Variants in DIS3L observed in about 807,000 individuals in gnomAD.
DIS3L encodes DIS3-like exonuclease 1.
In DIS3L, 100 loss-of-function variants were observed where a neutral mutation model predicts 120.3. That is an observed-to-expected ratio of 0.83 (90% confidence interval 0.71 to 0.98). The LOEUF (loss-of-function observed/expected upper bound fraction) is 0.98, where lower values mean the gene tolerates loss of function less well. Among genes scored for constraint, DIS3L ranks in the 50% least tolerant of loss-of-function variants. The pLI is 0.00. For missense variants in DIS3L, 1,196 were observed against 1,314.2 expected, an observed-to-expected ratio of 0.91 and a Z score of 1.39; for synonymous variants, 426 against 470.6, an observed-to-expected ratio of 0.91 and a Z score of 1.23.
chr15:66,321,395 G>A (rs1025626400), intron 9 of DIS3L, among the ~76,000 whole-genome samples: 2 of 151,994 alleles, frequency 1.3e-5, no homozygotes, highest in African/African-American at 4.8e-5. Flanking sequence ...GTAAATTACG[G>A]TATATTGACG....
intron 12 of DIS3L, among the ~76,000 whole-genome samples, chr15:66,326,900 C>T (rs560496787): frequency 6.7e-6 from 1 of 150,194 alleles, no homozygotes; most frequent in South Asian, 2.1e-4. Flanking sequence ...TAATTTTGAC[C>T]CACTACAATT....
intron 2 of DIS3L, 182 bp from the exon 3 acceptor site, chr15:66,306,642 C>A: frequency 1.3e-6 from 1 of 764,540 alleles, no homozygotes; most frequent in Admixed American, 3.1e-5. Context: ...CAGGCAAAAT[C>A]GAGAAACAAT....
chr15:66,316,958 C>T (rs373136426), intron 7 of DIS3L, among the ~76,000 whole-genome samples: 2 of 152,208 alleles, frequency 1.3e-5, no homozygotes, highest in South Asian at 2.1e-4. Context: ...GCTGAGGCCA[C>T]CTTCTGCCAT....
At chr15:66,311,995 C>T (rs2092767631) in intron 5 of DIS3L, 95 bp downstream of exon 5, 2 of 1,440,492 alleles carry the variant, frequency 1.4e-6, no homozygotes, top group African/African-American at 1.4e-5. Flanking sequence ...TTGCTTTAGC[C>T]CAGGAGCTGG....
In DIS3L at chr15:66,333,222, T is replaced by C; in HGVS notation, c.3075T>C (p.Tyr1025=). 1 of 1,613,966 alleles carries C rather than the reference T, an allele frequency of 6.2e-7. No individual in the cohort carries two copies. Residue 1025 remains tyrosine, a synonymous_variant, in exon 17 of 17, where the codon TAT becomes TAC. Transcript: ENST00000319212. ...TCATTCAGGAGGAATATCAAGAATA[T>C]CGCCAAACAAAGGGAAGGAGCCTAT... The part of the protein sequence containing the change: ...VNIIQEEYQE[Y]RQTKGRSLYT...
Position 66,328,910 on chromosome 15 carries a change from A to C in DIS3L, c.2202-60A>C. The C allele has an allele frequency of 5.8e-6, 9 of 1,554,748 alleles. 1 individual carries two copies. The South Asian group carries it at 1.1e-4, about 19-fold the overall frequency. ...ACGGATGAGTGAAGGGTTCCCCTCAAAGTGTTGTCTTGTAAATTACTGTCT... is the reference window on the plus strand; with the variant it reads ...ACGGATGAGTGAAGGGTTCCCCTCACAGTGTTGTCTTGTAAATTACTGTCT... On this transcript the variant is annotated intron_variant, in intron 12 of 16. Transcript: ENST00000319212.
At chr15:66,309,094 A>AAAAAAAAAAAAAAAAAAAATATATATAT in intron 4 of DIS3L, among the ~76,000 whole-genome samples, 1 of 15,320 alleles carries the variant, frequency 6.5e-5, no homozygotes, top group African/African-American at 2.0e-4. Context: ...AAAAAAAAAA[A>AAAAAAAAAAAAAAAAAAAATATATATAT]ATATATATAT....
rs2092900414 is a variant in DIS3L at position 66,322,874 on chromosome 15, T to C, written c.1514T>C (p.Ile505Thr). 1 of 1,614,206 alleles carries C rather than the reference T, an allele frequency of 6.2e-7. No homozygotes were observed. Among genetic ancestry groups the C allele is most frequent in the Non-Finnish European group, 8.5e-7 (1 of 1,180,038 alleles). Residue 505 changes from isoleucine (I) to threonine (T), a missense_variant, in exon 10 of 17, where the codon ATC (isoleucine) becomes ACC (threonine). Transcript: ENST00000319212. ...NNGNLELGVH[I>T]ADVTHFVAPN... ...GGCAACCTGGAACTTGGGGTCCACATCGCAGATGTAACACACTTTGTGGCA... is the reference window on the plus strand; with the variant it reads ...GGCAACCTGGAACTTGGGGTCCACACCGCAGATGTAACACACTTTGTGGCA...
chr15:66,308,369 C>G (rs1215532045), intron 3 of DIS3L, among the ~76,000 whole-genome samples: 1 of 152,148 alleles, frequency 6.6e-6, no homozygotes, highest in Non-Finnish European at 1.5e-5. Flanking sequence ...TCTTTTAAGC[C>G]TCACATAATA....
At position 66,318,633 on chromosome 15, in the gene DIS3L, A is replaced by G. The variant is rs370297587; in HGVS notation, c.1164+15A>G. 1.1e-5 allele frequency: 17 copies of G among 1,612,948 alleles called. No homozygotes were observed. In the Admixed American group the frequency reaches 1.7e-4, roughly 16 times the overall value. On this transcript the variant is annotated intron_variant, in intron 8 of 16. Coordinates refer to ENST00000319212, the MANE Select transcript of DIS3L (RefSeq NM_001143688.3). ...AAACCCTCCAGGTAGTTGGCATTCT[A>G]CCTCTACTATGGGATCTCTACGCTT...
At chr15:66,308,673 G>C in intron 3 of DIS3L, 36 bp from the exon 4 acceptor site, 1 of 1,591,276 alleles carries the variant, frequency 6.3e-7, no homozygotes, top group African/African-American at 1.3e-5. Context: ...GTGTTTGTCT[G>C]CCTGGGGAGA....
chr15:66,319,669 G>A (rs375209782), intron 8 of DIS3L, among the ~76,000 whole-genome samples: 7 of 152,282 alleles, frequency 4.6e-5, no homozygotes, highest in Admixed American at 2.0e-4. Flanking sequence ...CAGTAACCTA[G>A]CCATTGTGCT....
Position 66,333,434 on chromosome 15 carries a change from A to G in DIS3L, c.*122A>G. ...AGGACTGGGTAGCTATTTCGCATAT[A>G]TGTAAAATGTTCTCAGCCGGGCACG... On this transcript the variant is annotated 3_prime_UTR_variant, in exon 17 of 17. Coordinates refer to ENST00000319212, the MANE Select transcript of DIS3L (RefSeq NM_001143688.3). The G allele has an allele frequency of 1.1e-5, 12 of 1,125,102 alleles. No homozygotes were observed. 69.7% of individuals were successfully genotyped at this position (1,125,102 alleles called of 1,614,324 possible). A position where few individuals can be genotyped will look rare whatever the true frequency, so the allele number is the denominator to read the frequency against.
chr15:66,332,964 T>A, intron 16 of DIS3L, 40 bp from the exon 17 acceptor site: 1 of 1,586,356 alleles, frequency 6.3e-7, no homozygotes, highest in Non-Finnish European at 8.6e-7. Flanking sequence ...AAGGAATAAA[T>A]AATGTGATTT....
In DIS3L at chr15:66,320,589, C is replaced by A. The variant is rs150139050; in HGVS notation, c.1183C>A (p.Arg395Ser). 5.6e-6 allele frequency: 9 copies of A among 1,613,140 alleles called. No individual in the cohort carries two copies. The South Asian group carries it at 9.9e-5, about 18-fold the overall frequency. The change falls in exon 9 of 17, where the codon CGC (arginine) becomes AGC (serine). Residue 395 changes from arginine (R) to serine (S), a missense_variant. Transcript: ENST00000319212. ...ETLQDFRVVV[R>S]IDSWESTSVY... ...TGTGCAGGACTTCAGGGTGGTCGTG[C>A]GCATCGATTCCTGGGAGTCAACATC... is the stretch of plus-strand genomic sequence containing the variant.
chr15:66,330,038 T>C, intron 14 of DIS3L: 1 of 985,300 alleles, frequency 1.0e-6, no homozygotes, highest in Non-Finnish European at 1.2e-6. Flanking sequence ...TGCGGTGGCT[T>C]GCACCTGTAT....
At chr15:66,321,306 CA>C (rs1175338857) in intron 9 of DIS3L, among the ~76,000 whole-genome samples, 3 of 152,170 alleles carry the variant, frequency 2.0e-5, no homozygotes, top group African/African-American at 7.2e-5. Context: ...ATTGTGTGCA[CA>C]CACTAATTTC....
intron 8 of DIS3L, among the ~76,000 whole-genome samples, chr15:66,319,741 C>G (rs35510028): frequency 0.21 from 31,857 of 151,916 alleles, 4,056 homozygotes; most frequent in Middle Eastern, 0.32. Flanking sequence ...ATTTTCCATT[C>G]CCATGGTTTG....
intron 4 of DIS3L, among the ~76,000 whole-genome samples, chr15:66,311,040 C>T (rs544721109): frequency 7.9e-6 from 1 of 126,874 alleles, no homozygotes; most frequent in South Asian, 2.7e-4. Context: ...CAGAGCAAGA[C>T]CCTGTCCCTT....
Sources: gnomAD v4.1 joint callset for allele counts (sites outside exome capture counted in the v4.1 genomes callset) on GRCh38, gnomAD v4.1.1 for gene constraint, MANE v1.5 for transcripts, NCBI Gene and HGNC (gene_info 2026-07-23, HGNC 2026-07-21) for gene names.